Variants in NRG3 observed in about 807,000 individuals in gnomAD.
The protein encoded by NRG3 is pro-neuregulin-3, membrane-bound isoform.
Under a neutral mutation model 66.9 loss-of-function variants are expected in NRG3, and 31 were observed. The observed-to-expected ratio is 0.46, with a 90% CI of 0.35 to 0.63. The LOEUF is 0.63. NRG3 is among the 20% of genes least tolerant of loss of function. The probability of loss-of-function intolerance (pLI) is 0.00; values close to 1 mark genes in which losing one functional copy is unlikely to be tolerated. For synonymous variants in NRG3, 393 were observed against 359.4 expected (o/e 1.09, Z -1.06); for missense variants, 910 against 878.9 (o/e 1.04, Z -0.45).
In NRG3 at chr10:82,779,624, A is replaced by C. The variant is rs573148388; in HGVS notation, c.1027+40974A>C. ...TCCTTGTGACATATTTTTTCTGCTAAGTTCCTGCCGGAAGTTTTATTATGA... is the reference window on the plus strand; with the variant it reads ...TCCTTGTGACATATTTTTTCTGCTACGTTCCTGCCGGAAGTTTTATTATGA... On this transcript the variant is annotated intron_variant, in intron 3 of 8. Coordinates refer to ENST00000372141, the MANE Select transcript of NRG3 (RefSeq NM_001010848.4). Among the ~76,000 whole-genome samples, 9 of 152,226 alleles carry C rather than the reference A, an allele frequency of 5.9e-5. No homozygotes were observed. In the East Asian group the frequency reaches 1.7e-3, roughly 29 times the overall value.
intron 1 of NRG3, among the ~76,000 whole-genome samples, chr10:82,160,829 C>G (rs1317282539): frequency 6.6e-6 from 1 of 151,840 alleles, no homozygotes; most frequent in Non-Finnish European, 1.5e-5. Flanking sequence ...AGTACTGGCA[C>G]ATGAATGAAC....
intron 1 of NRG3, among the ~76,000 whole-genome samples, chr10:82,080,010 C>A (rs1165017260): frequency 6.6e-6 from 1 of 152,154 alleles, no homozygotes; most frequent in Non-Finnish European, 1.5e-5. Flanking sequence ...ATAGAAAAAT[C>A]TGCATGCCTT....
chr10:82,851,737 G>GTT (rs11424336), intron 3 of NRG3, among the ~76,000 whole-genome samples: 15 of 151,990 alleles, frequency 9.9e-5, no homozygotes, highest in Admixed American at 2.0e-4. Flanking sequence ...AAGCTATATA[G>GTT]TTTTTTTCTT....
At chr10:82,053,580 C>G (rs945278610) in intron 1 of NRG3, among the ~76,000 whole-genome samples, 1 of 151,846 alleles carries the variant, frequency 6.6e-6, no homozygotes, top group African/African-American at 2.4e-5. Context: ...TGGCTTCTTT[C>G]CTAGCATCAT....
Position 82,865,333 on chromosome 10 carries a change from T to C in NRG3, c.1028-78T>C, listed in dbSNP as rs371409110. ...CTTGGAGGGTTAGTCTTATGAGCAC[T>C]GATTTCCATGTATAGAGCTTTTTCT... On this transcript the variant is annotated intron_variant, in intron 3 of 8. Coordinates refer to ENST00000372141, the MANE Select transcript of NRG3 (RefSeq NM_001010848.4). The C allele has an allele frequency of 7.4e-6, 11 of 1,482,972 alleles. 1 individual carries two copies. In the African/African-American group the frequency reaches 1.4e-4, roughly 19 times the overall value. The allele number at this position is 1,482,972 out of a possible 1,614,324, so 91.9% of individuals were successfully genotyped here.
At chr10:82,244,601 TA>T (rs1324534103) in intron 1 of NRG3, among the ~76,000 whole-genome samples, 5 of 152,162 alleles carry the variant, frequency 3.3e-5, no homozygotes, top group Non-Finnish European at 5.9e-5. Context: ...TTAGTATGTA[TA>T]ATGATGTAAA....
intron 1 of NRG3, among the ~76,000 whole-genome samples, chr10:82,121,810 A>AT (rs2068109918): frequency 6.6e-6 from 1 of 151,676 alleles, no homozygotes; most frequent in Non-Finnish European, 1.5e-5. Context: ...TATTTTTTAA[A>AT]TTTTTTTTAT....
intron 2 of NRG3, among the ~76,000 whole-genome samples, chr10:82,725,580 CCTACTACTG>C (rs1383417534): frequency 6.6e-6 from 1 of 152,132 alleles, no homozygotes; most frequent in Non-Finnish European, 1.5e-5. Flanking sequence ...GTTAATAGTT[CCTACTACTG>C]TGACTATTCA....
chr10:82,227,689 A>G (rs2076236666), intron 1 of NRG3, among the ~76,000 whole-genome samples: 1 of 152,216 alleles, frequency 6.6e-6, no homozygotes, highest in Non-Finnish European at 1.5e-5. Flanking sequence ...GTTTCAATAA[A>G]TGATTTTTAA....
At chr10:82,509,334 A>G (rs1483140072) in intron 2 of NRG3, among the ~76,000 whole-genome samples, 1 of 152,188 alleles carries the variant, frequency 6.6e-6, no homozygotes. Context: ...CCCAGGTGTG[A>G]AAAGTGTTGA....
chr10:82,821,238 C>T (rs1400209076), intron 3 of NRG3, among the ~76,000 whole-genome samples: 1 of 152,154 alleles, frequency 6.6e-6, no homozygotes, highest in African/African-American at 2.4e-5. Context: ...AGAGTCACCT[C>T]CCCACTTCCC....
intron 1 of NRG3, among the ~76,000 whole-genome samples, chr10:82,063,745 A>G (rs2144470): frequency 0.61 from 92,719 of 152,020 alleles, 30,377 homozygotes; most frequent in South Asian, 0.77. Context: ...GAACTAAAGA[A>G]CTAAAGAAAG....
At chr10:82,426,229 C>T (rs2089430774) in intron 2 of NRG3, among the ~76,000 whole-genome samples, 1 of 152,050 alleles carries the variant, frequency 6.6e-6, no homozygotes, top group Non-Finnish European at 1.5e-5. Context: ...GGTGGGACTC[C>T]TGAAGGTAAA....
At chr10:81,922,020 T>A (rs1846297053) in intron 1 of NRG3, among the ~76,000 whole-genome samples, 1 of 152,170 alleles carries the variant, frequency 6.6e-6, no homozygotes, top group African/African-American at 2.4e-5. Context: ...TTGCATTTTA[T>A]CCTTGTCTCA....
intron 1 of NRG3, among the ~76,000 whole-genome samples, chr10:82,292,466 C>T (rs12251692): frequency 0.25 from 38,314 of 151,972 alleles, 4,999 homozygotes; most frequent in Admixed American, 0.28. Context: ...TCATATGACA[C>T]AGTACTTGCA....
chr10:82,562,055 G>T (rs1044397670), intron 2 of NRG3, among the ~76,000 whole-genome samples: 2 of 152,130 alleles, frequency 1.3e-5, no homozygotes, highest in African/African-American at 4.8e-5. Context: ...ACATTTATTT[G>T]ATTTATGACT....
chr10:82,875,099 A>C (rs1449028430), intron 4 of NRG3, among the ~76,000 whole-genome samples: 1 of 152,216 alleles, frequency 6.6e-6, no homozygotes, highest in Non-Finnish European at 1.5e-5. Flanking sequence ...GGTAATCTAC[A>C]GAAGTTGTAT....
chr10:82,278,883 G>A (rs1285511045), intron 1 of NRG3, among the ~76,000 whole-genome samples: 1 of 152,194 alleles, frequency 6.6e-6, no homozygotes, highest in Non-Finnish European at 1.5e-5. Context: ...TTTGCTTTAG[G>A]TCTGAACTGG....
intron 3 of NRG3, among the ~76,000 whole-genome samples, chr10:82,757,415 T>C (rs1368288937): frequency 6.6e-6 from 1 of 152,124 alleles, no homozygotes; most frequent in African/African-American, 2.4e-5. Flanking sequence ...ATTAGATTGC[T>C]ACTTTATTCT....
Sources: allele counts gnomAD v4.1 joint callset (sites outside exome capture counted in the v4.1 genomes callset), GRCh38; gene constraint gnomAD v4.1.1; transcripts MANE v1.5; gene names NCBI Gene and HGNC (gene_info 2026-07-23, HGNC 2026-07-21).